FBN2: variants seen among roughly 807,000 people sequenced by gnomAD.
FBN2 encodes the protein fibrillin-2.
A neutral mutation model predicts 355.6 loss-of-function variants in FBN2; 105 were observed. The observed-to-expected ratio is 0.30, with a 90% CI of 0.25 to 0.35. The LOEUF (loss-of-function observed/expected upper bound fraction) is 0.35. Among genes scored for constraint, FBN2 ranks in the 10% least tolerant of loss-of-function variants. FBN2 has a pLI of 1.00. For synonymous variants in FBN2, 1,350 were observed against 1,301.2 expected, an observed-to-expected ratio of 1.04 and a Z score of -0.81; for missense variants, 3,280 against 3,758.7, an observed-to-expected ratio of 0.87 and a Z score of 3.33.
intron 5 of FBN2, among the ~76,000 whole-genome samples, chr5:128,493,516 C>T (rs1029988689): frequency 6.6e-6 from 1 of 152,166 alleles, no homozygotes; most frequent in Non-Finnish European, 1.5e-5. Flanking sequence ...ATTATCCTCA[C>T]TTACAATCTA....
chr5:128,508,807 T>G (rs1756034372), intron 5 of FBN2, among the ~76,000 whole-genome samples: 1 of 152,052 alleles, frequency 6.6e-6, no homozygotes, highest in Non-Finnish European at 1.5e-5. Flanking sequence ...TTTTATATAT[T>G]GGGAAAAAGC....
chr5:128,466,573 G>A (rs749133564), intron 5 of FBN2, among the ~76,000 whole-genome samples: 15 of 152,116 alleles, frequency 9.9e-5, no homozygotes, highest in Non-Finnish European at 1.8e-4. Flanking sequence ...ATAAAACTTC[G>A]ATTTGCTTTA....
At chr5:128,399,289 C>T (rs1371576563) in intron 8 of FBN2, among the ~76,000 whole-genome samples, 1 of 152,090 alleles carries the variant, frequency 6.6e-6, no homozygotes, top group Non-Finnish European at 1.5e-5. Context: ...TGCTGAGAAA[C>T]GGTATTTTAA....
chr5:128,342,093 C>G (rs1213031340), intron 25 of FBN2, among the ~76,000 whole-genome samples: 3 of 151,996 alleles, frequency 2.0e-5, no homozygotes, highest in Non-Finnish European at 2.9e-5. Flanking sequence ...TCAGGAAGAA[C>G]AGAGAGAGTT....
At chr5:128,345,691 T>C (rs1751162791) in intron 23 of FBN2, 107 bp from the exon 24 acceptor site, 8 of 1,003,310 alleles carry the variant, frequency 8.0e-6, no homozygotes, top group Non-Finnish European at 1.2e-5. Context: ...ACCCTTGCGG[T>C]GTACTGGTGG....
At chr5:128,446,685 A>AT in intron 6 of FBN2, 79 bp from the exon 7 acceptor site, 1 of 1,471,848 alleles carries the variant, frequency 6.8e-7, no homozygotes, top group Non-Finnish European at 9.4e-7. Context: ...TAAAAACTTT[A>AT]TATAAACATT....
Position 128,537,364 on chromosome 5 carries a change from C to T in FBN2, c.240G>A (p.Gln80=). Residue 80 remains glutamine, a synonymous_variant, in exon 1 of 65, where the codon CAG becomes CAA. Transcript: ENST00000262464. ...VASRVRRRGQ[Q]DVLRGPNVCG... ...TGCCCACTTACCCTCGGAGCACGTC[C>T]TGCTGTCCTCGCCGGCGGACGCGGC... 5 of 1,610,890 alleles carry T rather than the reference C, an allele frequency of 3.1e-6. No individual in the cohort carries two copies. Among genetic ancestry groups the T allele is most frequent in the Non-Finnish European group, 4.2e-6 (5 of 1,179,820 alleles).
At chr5:128,413,483 A>C (rs1753121052) in intron 7 of FBN2, among the ~76,000 whole-genome samples, 1 of 152,190 alleles carries the variant, frequency 6.6e-6, no homozygotes, top group Admixed American at 6.5e-5. Flanking sequence ...CAGTAATGTG[A>C]AGACTCTGAA....
intron 58 of FBN2, among the ~76,000 whole-genome samples, chr5:128,277,563 T>C (rs1044449762): frequency 6.6e-6 from 1 of 152,134 alleles, no homozygotes; most frequent in African/African-American, 2.4e-5. Context: ...GTTGAAAGTA[T>C]GTATTTGTGA....
chr5:128,368,425 T>C (rs1202170770), intron 16 of FBN2, among the ~76,000 whole-genome samples: 2 of 133,454 alleles, frequency 1.5e-5, no homozygotes, highest in African/African-American at 2.7e-5. Flanking sequence ...TGTGTGTATA[T>C]ATATATATAC....
In FBN2 at chr5:128,345,412, G is replaced by A. The variant is rs765015874; in HGVS notation, c.3162C>T (p.Arg1054=). The change falls in exon 24 of 65, where the codon CGC becomes CGT. Residue 1054 remains arginine, a synonymous_variant. Coordinates refer to ENST00000262464, the MANE Select transcript of FBN2 (RefSeq NM_001999.4). ...GTKEYETLCP[R]GAGFANRGDV... ...CCCCTCGGTTAGCAAAGCCAGCCCC[G>A]CGGGGGCACAGCGTCTCGTATTCCT... is the stretch of plus-strand genomic sequence containing the variant. 6.2e-6 allele frequency: 10 copies of A among 1,614,102 alleles called. No individual in the cohort carries two copies. Among genetic ancestry groups the A allele is most frequent in the Middle Eastern group, 1.6e-4 (1 of 6,062 alleles).
chr5:128,263,749 G>A (rs1302338469), intron 62 of FBN2, 93 bp from the exon 63 acceptor site: 2 of 792,888 alleles, frequency 2.5e-6, no homozygotes, highest in African/African-American at 1.7e-5. Flanking sequence ...GTGATTTTAT[G>A]GCAGAAATAA....
intron 6 of FBN2, among the ~76,000 whole-genome samples, chr5:128,451,562 G>A (rs779453789): frequency 1.3e-4 from 20 of 152,088 alleles, no homozygotes; most frequent in Non-Finnish European, 2.6e-4. Flanking sequence ...CACCTCATCC[G>A]GCTAATTTTG....
At chr5:128,413,832 A>G (rs1753129749) in intron 7 of FBN2, among the ~76,000 whole-genome samples, 1 of 152,192 alleles carries the variant, frequency 6.6e-6, no homozygotes, top group African/African-American at 2.4e-5. Flanking sequence ...GATGCCAAGA[A>G]CTATACATAT....
chr5:128,434,394 G>GTATATATATATATATATATATATATATA lies in FBN2; in HGVS notation c.952+12059_952+12086dup, dbSNP rs6149234. Among the ~76,000 whole-genome samples the GTATATATATATATATATATATATATATA allele has an allele frequency of 8.3e-4, 76 of 91,642 alleles. 1 individual carries two copies. The highest frequency in any genetic ancestry group is 1.2e-3 in the South Asian group (3 of 2,608). 60.1% of individuals were successfully genotyped at this position (91,642 alleles called of 152,430 possible). A position where few individuals can be genotyped will look rare whatever the true frequency, so the allele number is the denominator to read the frequency against. On this transcript the variant is annotated intron_variant, in intron 7 of 64. Coordinates refer to ENST00000262464, the MANE Select transcript of FBN2 (RefSeq NM_001999.4). ...CAATGCCTGGCAGTGAATAAAGTGT[G>GTATATATATATATATATATATATATATA]TATATATATATATATATATATATAT...
rs140388150 is a variant in FBN2 at position 128,486,803 on chromosome 5, T to C, written c.629-21882A>G. ...CCACCTCATGACAGGTGTGTGATGT[T>C]CCCCTTCCTGTGTCCAAGTGTTCTC... On this transcript the variant is annotated intron_variant, in intron 5 of 64. Transcript: ENST00000262464. 2.0e-5 allele frequency among the ~76,000 whole-genome samples: 3 copies of C among 152,232 alleles called. No individual in the cohort carries two copies. In the East Asian group the frequency reaches 5.8e-4, roughly 29 times the overall value.
intron 62 of FBN2, among the ~76,000 whole-genome samples, chr5:128,265,607 T>G (rs1442335590): frequency 6.6e-6 from 1 of 152,200 alleles, no homozygotes; most frequent in Admixed American, 6.5e-5. Flanking sequence ...GACATAATTT[T>G]TCTTCATATG....
chr5:128,468,121 C>T (rs760274134), intron 5 of FBN2, among the ~76,000 whole-genome samples: 1 of 152,176 alleles, frequency 6.6e-6, no homozygotes, highest in Non-Finnish European at 1.5e-5. Flanking sequence ...CAGCCTCAGT[C>T]AACCACTAAT....
At chr5:128,442,416 C>G (rs1753946545) in intron 7 of FBN2, 2 of 455,044 alleles carry the variant, frequency 4.4e-6, no homozygotes, top group Admixed American at 2.4e-5. Context: ...AAGAAAAACG[C>G]TGAGCTGTCT....
Sources: allele counts gnomAD v4.1 joint callset (sites outside exome capture counted in the v4.1 genomes callset), GRCh38; gene constraint gnomAD v4.1.1; transcripts MANE v1.5; gene names NCBI Gene and HGNC (gene_info 2026-07-23, HGNC 2026-07-21).